EEPD1: variants seen among roughly 807,000 people sequenced by gnomAD.
EEPD1 encodes endonuclease/exonuclease/phosphatase family domain containing 1, also known as endonuclease/exonuclease/phosphatase family domain-containing protein 1.
Under a neutral mutation model 46.3 loss-of-function variants are expected in EEPD1, and 17 were observed. The observed-to-expected ratio is 0.37, with a 90% CI of 0.25 to 0.55. EEPD1 has a LOEUF of 0.55. Among genes scored for constraint, EEPD1 ranks in the 20% least tolerant of loss-of-function variants. The probability of loss-of-function intolerance (pLI) is 0.83; values close to 1 mark genes in which losing one functional copy is unlikely to be tolerated. For synonymous variants in EEPD1, 313 were observed against 315.6 expected, an observed-to-expected ratio of 0.99 and a Z score of 0.09; for missense variants, 673 against 745.6, an observed-to-expected ratio of 0.90 and a Z score of 1.13.
At chr7:36,270,940 T>G (rs1787092566) in intron 3 of EEPD1, among the ~76,000 whole-genome samples, 1 of 152,166 alleles carries the variant, frequency 6.6e-6, no homozygotes, top group African/African-American at 2.4e-5. Flanking sequence ...GCGTTCCTAT[T>G]TCTCCACATC....
chr7:36,224,755 A>G (rs1162434199), intron 2 of EEPD1, among the ~76,000 whole-genome samples: 1 of 152,188 alleles, frequency 6.6e-6, no homozygotes, highest in African/African-American at 2.4e-5. Flanking sequence ...AAAAGTATTC[A>G]TGTATAGTAA....
intron 2 of EEPD1, among the ~76,000 whole-genome samples, chr7:36,200,679 C>CT (rs1785697668): frequency 6.6e-6 from 1 of 152,070 alleles, no homozygotes; most frequent in Non-Finnish European, 1.5e-5. Context: ...TTGGTTTCTG[C>CT]TTTTTTATTC....
intron 2 of EEPD1, among the ~76,000 whole-genome samples, chr7:36,156,321 C>G (rs1388661748): frequency 6.6e-6 from 1 of 152,186 alleles, no homozygotes; most frequent in East Asian, 1.9e-4. Flanking sequence ...ATGCTCTCAT[C>G]ACTGAGAGAG....
intron 2 of EEPD1, among the ~76,000 whole-genome samples, chr7:36,183,355 G>C (rs1785307317): frequency 6.6e-6 from 1 of 152,130 alleles, no homozygotes; most frequent in Non-Finnish European, 1.5e-5. Context: ...CTGAAACGTG[G>C]TCACGTCTCC....
intron 3 of EEPD1, among the ~76,000 whole-genome samples, chr7:36,242,313 C>T (rs574851826): frequency 2.8e-4 from 43 of 152,190 alleles, no homozygotes; most frequent in African/African-American, 9.4e-4. Context: ...TCTCTCTCCC[C>T]GAGTCTGCTG....
At chr7:36,196,787 C>T (rs1482991495) in intron 2 of EEPD1, among the ~76,000 whole-genome samples, 11 of 152,318 alleles carry the variant, frequency 7.2e-5, no homozygotes, top group Non-Finnish European at 1.5e-4. Context: ...AGCCGCCTGC[C>T]TTGGCCCCCC....
intron 6 of EEPD1, among the ~76,000 whole-genome samples, 160 bp from the exon 7 acceptor site, chr7:36,296,833 C>T (rs894708428): frequency 5.3e-5 from 8 of 151,564 alleles, no homozygotes; most frequent in Non-Finnish European, 1.2e-4. Flanking sequence ...GTGATATGCA[C>T]ATGAAATGTG....
chr7:36,207,899 T>G (rs980008198), intron 2 of EEPD1, among the ~76,000 whole-genome samples: 4 of 150,446 alleles, frequency 2.7e-5, no homozygotes, highest in East Asian at 3.9e-4. Flanking sequence ...TTTTTTTTTT[T>G]TTTTTTTTTT....
intron 7 of EEPD1, 100 bp downstream of exon 7, chr7:36,297,287 T>C: frequency 4.5e-6 from 6 of 1,333,058 alleles, no homozygotes; most frequent in Non-Finnish European, 5.2e-6. Flanking sequence ...GAGGCATACA[T>C]AGGATTGTGG....
intron 2 of EEPD1, among the ~76,000 whole-genome samples, chr7:36,160,954 C>T (rs1784894731): frequency 6.6e-6 from 1 of 152,114 alleles, no homozygotes; most frequent in Non-Finnish European, 1.5e-5. Flanking sequence ...ATTATTTTAA[C>T]ATGATGCAAG....
chr7:36,236,973 T>A (rs1786459342), intron 2 of EEPD1, among the ~76,000 whole-genome samples: 1 of 152,244 alleles, frequency 6.6e-6, no homozygotes, highest in African/African-American at 2.4e-5. Context: ...GTTCTTTTGC[T>A]CTTCGCAATA....
intron 2 of EEPD1, among the ~76,000 whole-genome samples, chr7:36,208,705 C>T (rs1248540027): frequency 6.6e-6 from 1 of 152,180 alleles, no homozygotes; most frequent in African/African-American, 2.4e-5. Flanking sequence ...CTTGTGGGTC[C>T]TCTATGCTGT....
intron 2 of EEPD1, among the ~76,000 whole-genome samples, chr7:36,227,969 T>G (rs576118793): frequency 4.3e-4 from 65 of 151,998 alleles, no homozygotes; most frequent in Non-Finnish European, 6.5e-4. Context: ...ATTACAGGCA[T>G]GAGCCACCAC....
chr7:36,236,027 A>G lies in EEPD1; in HGVS notation c.879-2958A>G, dbSNP rs1786430942. Among the ~76,000 whole-genome samples the G allele has an allele frequency of 2.0e-5, 3 of 151,464 alleles. 1 individual carries two copies. In the South Asian group the frequency reaches 6.2e-4, roughly 31 times the overall value. On this transcript the variant is annotated intron_variant, in intron 2 of 7. Coordinates refer to ENST00000242108, the MANE Select transcript of EEPD1 (RefSeq NM_030636.3). ...GCAGCCTCGACCTCCCGGGCTCAAGAAATTCTCCTACCTCATCCTCCTGAG... is the reference window on the plus strand; with the variant it reads ...GCAGCCTCGACCTCCCGGGCTCAAGGAATTCTCCTACCTCATCCTCCTGAG...
At chr7:36,242,066 C>T (rs905818517) in intron 3 of EEPD1, among the ~76,000 whole-genome samples, 1 of 152,168 alleles carries the variant, frequency 6.6e-6, no homozygotes, top group South Asian at 2.1e-4. Flanking sequence ...GAGGCTGCGG[C>T]GGAGCAGACC....
At position 36,259,570 on chromosome 7, in the gene EEPD1, C is replaced by T. The variant is rs927886940; in HGVS notation, c.930+20534C>T. ...GGTTGCCCAGGCTGGAGTGCAGTGG[C>T]CCAATCTCAGCTCACTGCAGCCTCA... On this transcript the variant is annotated intron_variant, in intron 3 of 7. Transcript: ENST00000242108. 3.9e-5 allele frequency among the ~76,000 whole-genome samples: 6 copies of T among 152,046 alleles called. No individual in the cohort carries two copies. In the East Asian group the frequency reaches 1.2e-3, roughly 29 times the overall value.
intron 2 of EEPD1, among the ~76,000 whole-genome samples, chr7:36,156,041 A>C (rs1474426805): frequency 6.6e-6 from 1 of 152,178 alleles, no homozygotes; most frequent in Admixed American, 6.5e-5. Context: ...AAAGAAAGAA[A>C]TATTTGTGAT....
chr7:36,293,206 G>A (rs1787474778), intron 6 of EEPD1, among the ~76,000 whole-genome samples: 2 of 152,118 alleles, frequency 1.3e-5, no homozygotes, highest in African/African-American at 4.8e-5. Flanking sequence ...GTAAAGTGAA[G>A]AAAATAATAA....
Position 36,239,169 on chromosome 7 carries a change from G to T in EEPD1, c.930+133G>T. ...TCAGTTATTTTGTATTCCTGACAGCGAATCATGCAGAATTTTAATCTGAGC... is the reference window on the plus strand; with the variant it reads ...TCAGTTATTTTGTATTCCTGACAGCTAATCATGCAGAATTTTAATCTGAGC... On this transcript the variant is annotated intron_variant, in intron 3 of 7. Coordinates refer to ENST00000242108, the MANE Select transcript of EEPD1 (RefSeq NM_030636.3). 3 of 874,010 alleles carry T rather than the reference G, an allele frequency of 3.4e-6. No homozygotes were observed. In the South Asian group the frequency reaches 4.6e-5, roughly 13 times the overall value. The allele number at this position is 874,010 out of a possible 1,614,324, so 54.1% of individuals were successfully genotyped here. A position where few individuals can be genotyped will look rare whatever the true frequency, so the allele number is the denominator to read the frequency against.
Sources: gnomAD v4.1 joint callset for allele counts (sites outside exome capture counted in the v4.1 genomes callset) on GRCh38, gnomAD v4.1.1 for gene constraint, MANE v1.5 for transcripts, NCBI Gene and HGNC (gene_info 2026-07-23, HGNC 2026-07-21) for gene names.